WDR70: variants seen among roughly 807,000 people sequenced by gnomAD.
WDR70 encodes the protein WD repeat domain 70.
WDR70 carries 53 observed loss-of-function variants against 88.6 expected under a neutral mutation model. The ratio of observed to expected loss-of-function variants is 0.60; its 90% confidence interval spans 0.48 to 0.75. The LOEUF (loss-of-function observed/expected upper bound fraction) is 0.75, where lower values mean the gene tolerates loss of function less well. Among genes scored for constraint, WDR70 ranks in the 30% least tolerant of loss-of-function variants. The pLI is 0.00. For synonymous variants in WDR70, 280 were observed against 270.0 expected, an observed-to-expected ratio of 1.04 and a Z score of -0.36; for missense variants, 610 against 823.2, an observed-to-expected ratio of 0.74 and a Z score of 3.17.
intron 9 of WDR70, among the ~76,000 whole-genome samples, chr5:37,543,284 G>A (rs542433990): frequency 6.6e-6 from 1 of 152,232 alleles, no homozygotes; most frequent in South Asian, 2.1e-4. Flanking sequence ...TTAAGCTATT[G>A]AATTTTGGGA....
intron 5 of WDR70, among the ~76,000 whole-genome samples, chr5:37,413,963 C>T (rs1304240355): frequency 6.6e-6 from 1 of 151,520 alleles, no homozygotes; most frequent in Non-Finnish European, 1.5e-5. Flanking sequence ...CTGACCAACA[C>T]GGAGAAACCC....
At chr5:37,490,508 G>T (rs1740035101) in intron 8 of WDR70, among the ~76,000 whole-genome samples, 1 of 152,138 alleles carries the variant, frequency 6.6e-6, no homozygotes, top group African/African-American at 2.4e-5. Flanking sequence ...GGCTGCATTG[G>T]CTAGGGTGAG....
At chr5:37,736,992 T>C (rs1748323003) in intron 17 of WDR70, among the ~76,000 whole-genome samples, 2 of 152,260 alleles carry the variant, frequency 1.3e-5, no homozygotes, top group Non-Finnish European at 1.5e-5. Context: ...AATAAAATTA[T>C]TTCCTTTAAA....
intron 5 of WDR70, among the ~76,000 whole-genome samples, chr5:37,400,465 A>G (rs6451315): frequency 0.97 from 147,755 of 152,192 alleles, 71,882 homozygotes; most frequent in East Asian, 1. Context: ...TATTGTCTAC[A>G]TTACTTCCAC....
intron 7 of WDR70, among the ~76,000 whole-genome samples, chr5:37,473,021 G>T (rs900676395): frequency 1.3e-5 from 2 of 151,784 alleles, no homozygotes; most frequent in African/African-American, 4.9e-5. Context: ...AATTCTAATT[G>T]CTCCACATTC....
intron 10 of WDR70, chr5:37,620,061 A>G (rs1439648612): frequency 1.3e-5 from 2 of 151,840 alleles, no homozygotes; most frequent in Admixed American, 6.6e-5. Flanking sequence ...TGTCATTCCA[A>G]TTTTAGTATA....
intron 9 of WDR70, among the ~76,000 whole-genome samples, chr5:37,527,897 A>G (rs1741347510): frequency 6.6e-6 from 1 of 152,350 alleles, no homozygotes; most frequent in Non-Finnish European, 1.5e-5. Flanking sequence ...ATCACTGGCC[A>G]TCAGAGAAAT....
At chr5:37,385,381 A>G (rs761211978) in intron 3 of WDR70, among the ~76,000 whole-genome samples, 6 of 151,882 alleles carry the variant, frequency 4.0e-5, no homozygotes, top group Non-Finnish European at 7.4e-5. Context: ...TTAGCTGGGC[A>G]TGGTGGTGCA....
At chr5:37,511,327 G>A (rs1014649777) in intron 8 of WDR70, among the ~76,000 whole-genome samples, 1 of 151,934 alleles carries the variant, frequency 6.6e-6, no homozygotes, top group East Asian at 1.9e-4. Context: ...TTTATAATTC[G>A]TTACTATCAT....
At chr5:37,590,853 T>C (rs1743511899) in intron 9 of WDR70, among the ~76,000 whole-genome samples, 1 of 151,760 alleles carries the variant, frequency 6.6e-6, no homozygotes, top group Non-Finnish European at 1.5e-5. Flanking sequence ...GATTCAACCT[T>C]AAGAAACTGG....
chr5:37,539,468 C>T (rs931572510), intron 9 of WDR70, among the ~76,000 whole-genome samples: 1 of 152,112 alleles, frequency 6.6e-6, no homozygotes. Context: ...ATCAGCAAAA[C>T]AAGGAAAAAG....
At chr5:37,449,181 T>G (rs548349230) in intron 7 of WDR70, among the ~76,000 whole-genome samples, 1 of 152,264 alleles carries the variant, frequency 6.6e-6, no homozygotes, top group African/African-American at 2.4e-5. Flanking sequence ...GTATTTATTT[T>G]GTTGCTCAGC....
At chr5:37,563,814 T>C (rs1482808518) in intron 9 of WDR70, among the ~76,000 whole-genome samples, 2 of 117,052 alleles carry the variant, frequency 1.7e-5, no homozygotes, top group East Asian at 5.4e-4. Flanking sequence ...TCAGACGGTG[T>C]GGCTGCCGGG....
intron 5 of WDR70, among the ~76,000 whole-genome samples, chr5:37,437,290 G>A (rs2007735): frequency 0.23 from 34,449 of 151,924 alleles, 4,570 homozygotes; most frequent in East Asian, 0.46. Flanking sequence ...TAACTTTGAA[G>A]GGTTAAAAGG....
chr5:37,750,697 G>T (rs1030132902), intron 17 of WDR70, among the ~76,000 whole-genome samples: 1 of 151,974 alleles, frequency 6.6e-6, no homozygotes, highest in South Asian at 2.1e-4. Flanking sequence ...ACAAAGGACA[G>T]TTCCCCTGCA....
At chr5:37,476,012 TG>T (rs1468868910) in intron 7 of WDR70, among the ~76,000 whole-genome samples, 1 of 151,714 alleles carries the variant, frequency 6.6e-6, no homozygotes, top group African/African-American at 2.4e-5. Context: ...TGCCCAGCTA[TG>T]TTTTTTTTTG....
chr5:37,537,526 C>A (rs1741700984), intron 9 of WDR70, among the ~76,000 whole-genome samples: 1 of 152,098 alleles, frequency 6.6e-6, no homozygotes, highest in African/African-American at 2.4e-5. Flanking sequence ...ATATATTATC[C>A]TTGGAGATCA....
intron 5 of WDR70, among the ~76,000 whole-genome samples, chr5:37,408,994 A>C (rs924932157): frequency 6.6e-6 from 1 of 152,064 alleles, no homozygotes; most frequent in South Asian, 2.1e-4. Context: ...GCTGGAGTGC[A>C]ATGGTGTGAT....
intron 8 of WDR70, among the ~76,000 whole-genome samples, chr5:37,495,063 A>G (rs1740174426): frequency 6.6e-6 from 1 of 152,266 alleles, no homozygotes; most frequent in South Asian, 2.1e-4. Flanking sequence ...CATGTGGCCC[A>G]CAAAGCCTAA....
Sources: gnomAD v4.1 joint callset for allele counts (sites outside exome capture counted in the v4.1 genomes callset) on GRCh38, gnomAD v4.1.1 for gene constraint, MANE v1.5 for transcripts, NCBI Gene and HGNC (gene_info 2026-07-23, HGNC 2026-07-21) for gene names.